Variants in MIA2 observed in about 807,000 individuals in gnomAD.
The protein encoded by MIA2 is melanoma inhibitory activity protein 2.
MIA2 carries 127 observed loss-of-function variants against 167.8 expected under a neutral mutation model. That is an observed-to-expected ratio of 0.76 (90% CI 0.66 to 0.88). The LOEUF is 0.88. MIA2 is among the 40% of genes least tolerant of loss of function. The pLI is 0.00. For missense variants in MIA2, 1,690 were observed against 1,624.7 expected (o/e 1.04, Z -0.69); for synonymous variants, 552 against 541.9 (o/e 1.02, Z -0.26).
rs773072953 is a variant in MIA2, at chr14:39,299,887, G to C, written c.2520G>C (p.Trp840Cys). 29 of 1,605,968 alleles carry C rather than the reference G, an allele frequency of 1.8e-5. No homozygotes were observed. Among genetic ancestry groups the C allele is most frequent in the Non-Finnish European group, 2.5e-5 (29 of 1,178,036 alleles). The change falls in exon 14 of 29, where the codon TGG (tryptophan) becomes TGC (cysteine). Residue 840 changes from tryptophan to cysteine, a missense_variant. Trp to Cys is a radical substitution (Grantham distance 215). Transcript: ENST00000640607. ...QKQLLQEAEVWKEQVSELNKQ... is the reference protein window; with the variant it reads ...QKQLLQEAEVCKEQVSELNKQ... ...AGCTTTTGCAAGAAGCTGAAGTATG[G>C]AAAGAACAAGTGAGTGAACTTAATA...
Position 39,247,033 on chromosome 14 carries a change from T to G in MIA2, c.459T>G (p.Ser153Arg). The change falls in exon 4 of 29, where the codon AGT becomes AGG. Residue 153 changes from serine to arginine, a missense_variant. Transcript: ENST00000640607. ...AAGAAGATAAAGATGAAAAATCTAGTATATATGAAAGTGATTTTCAGATAG... is the reference window on the plus strand; with the variant it reads ...AAGAAGATAAAGATGAAAAATCTAGGATATATGAAAGTGATTTTCAGATAG... ...PYEEDKDEKS[S>R]IYESDFQIEP... 2 of 1,599,578 alleles carry G rather than the reference T, an allele frequency of 1.3e-6. No homozygotes were observed. Among genetic ancestry groups the G allele is most frequent in the Non-Finnish European group, 1.7e-6 (2 of 1,175,588 alleles).
chr14:39,261,393 T>C (rs1375167270), intron 6 of MIA2, among the ~76,000 whole-genome samples: 6 of 152,234 alleles, frequency 3.9e-5, no homozygotes, highest in African/African-American at 1.2e-4. Context: ...CTATCATTGT[T>C]GGACATTTGG....
At position 39,276,983 on chromosome 14, in the gene MIA2, G is replaced by A. The variant is rs748285391; in HGVS notation, c.1937G>A (p.Gly646Asp). The A allele has an allele frequency of 9.3e-6, 15 of 1,613,764 alleles. No individual in the cohort carries two copies. In the African/African-American group the frequency reaches 9.3e-5, roughly 10 times the overall value. The stretch of plus-strand genomic sequence containing the variant: ...ATGAGACCAGATTCTAATCTTTATG[G>A]TTTTCCATGGGAATTGGTGATATGT... The part of the protein sequence containing the change: ...EGMRPDSNLY[G>D]FPWELVICAA... The change falls in exon 7 of 29, where the codon GGT (glycine) becomes GAT (aspartate). Residue 646 changes from glycine (G) to aspartate (D), a missense_variant. Coordinates refer to ENST00000640607, the MANE Select transcript of MIA2 (RefSeq NM_001329214.4).
chr14:39,331,405 A>G (rs1248610327), intron 25 of MIA2, among the ~76,000 whole-genome samples: 9 of 152,094 alleles, frequency 5.9e-5, no homozygotes, highest in African/African-American at 1.7e-4. Flanking sequence ...TTGACTCTTT[A>G]TCCAATTTGC....
chr14:39,347,826 T>C, intron 27 of MIA2, 55 bp downstream of exon 27: 1 of 1,434,736 alleles, frequency 7.0e-7, no homozygotes, highest in East Asian at 2.4e-5. Flanking sequence ...TTCTTTTTTT[T>C]TTTTTTTTTT....
At position 39,260,975 on chromosome 14, in the gene MIA2, C is replaced by T. The variant is rs561635069; in HGVS notation, c.1887+7804C>T. Among the ~76,000 whole-genome samples the T allele has an allele frequency of 1.9e-3, 285 of 151,902 alleles. 1 individual carries two copies. The highest frequency in any genetic ancestry group is 6.5e-3 in the African/African-American group (270 of 41,388). On this transcript the variant is annotated intron_variant, in intron 6 of 28. Coordinates refer to ENST00000640607, the MANE Select transcript of MIA2 (RefSeq NM_001329214.4). ...TTTATTAAATAGGGGATCCTTTCCC[C>T]GTTTCTTGTTTTTTTTTCTTTTTTT... is the stretch of plus-strand genomic sequence containing the variant.
In MIA2 at chr14:39,294,073, T is replaced by G; in HGVS notation, c.2391+2T>G. On this transcript the variant is annotated splice_donor_variant, in intron 12 of 28. Coordinates refer to ENST00000640607, the MANE Select transcript of MIA2 (RefSeq NM_001329214.4). LOFTEE classifies it high-confidence loss of function. ...TCCCTCAAATCACAAGTAGCTGAAG[T>G]AAGTTGAATTAGTCTAGTAGGTCTG... 1 of 1,597,838 alleles carries G rather than the reference T, an allele frequency of 6.3e-7. No homozygotes were observed.
chr14:39,314,455 A>G (rs2064956812), intron 19 of MIA2, among the ~76,000 whole-genome samples: 1 of 151,994 alleles, frequency 6.6e-6, no homozygotes, highest in Admixed American at 6.6e-5. Flanking sequence ...ATAAAAAAAA[A>G]ACAACACAAT....
rs1335408364 is a variant in MIA2, at chr14:39,347,789, G to A, written c.3837+18G>A. ...ATCTTGGTGTAAGTATTGAAAGAGT[G>A]GAATTGTATGCATGTATTCAGAAGC... is the stretch of plus-strand genomic sequence containing the variant. On this transcript the variant is annotated intron_variant, in intron 27 of 28. Transcript: ENST00000640607. 1 of 1,539,482 alleles carries A rather than the reference G, an allele frequency of 6.5e-7. No homozygotes were observed. The highest frequency in any genetic ancestry group is 8.9e-7 in the Non-Finnish European group (1 of 1,118,788).
At chr14:39,275,582 T>C (rs2057880023) in intron 6 of MIA2, among the ~76,000 whole-genome samples, 1 of 152,194 alleles carries the variant, frequency 6.6e-6, no homozygotes, top group Non-Finnish European at 1.5e-5. Flanking sequence ...TAAAGTAGAG[T>C]GTCATAGGTC....
intron 23 of MIA2, among the ~76,000 whole-genome samples, chr14:39,365,546 T>A (rs2074801558): frequency 6.6e-6 from 1 of 152,202 alleles, no homozygotes; most frequent in Non-Finnish European, 1.5e-5. Flanking sequence ...GGTTCTGAAA[T>A]TCTTTCCTCT....
Position 39,252,954 on chromosome 14 carries a change from A to G in MIA2, c.1774A>G (p.Ile592Val). 1 of 1,604,974 alleles carries G rather than the reference A, an allele frequency of 6.2e-7. No individual in the cohort carries two copies. The highest frequency in any genetic ancestry group is 1.7e-5 in the Admixed American group (1 of 58,444). ...TAACTCTTTGTCTTCTCAAAATTAT[A>G]TTTCTCAGAAAGGTAAGAAACAGGT... Reference protein sequence around the residue: ...TDNSLSSQNYISQKEDASEFQ... With the variant: ...TDNSLSSQNYVSQKEDASEFQ... Residue 592 changes from isoleucine (I) to valine (V), a missense_variant, in exon 5 of 29, where the codon ATT (isoleucine) becomes GTT (valine). Transcript: ENST00000640607.
chr14:39,358,286 G>C (rs375855243), intron 23 of MIA2, among the ~76,000 whole-genome samples: 4 of 151,798 alleles, frequency 2.6e-5, no homozygotes, highest in African/African-American at 7.3e-5. Flanking sequence ...TTTTCTTCTC[G>C]CTTCATTTCA....
rs1318153530 is a variant in MIA2 at position 39,371,844 on chromosome 14, T to C, written c.2249-15041T>C. Among the ~76,000 whole-genome samples, 3 of 152,342 alleles carry C rather than the reference T, an allele frequency of 2.0e-5. No individual in the cohort carries two copies. In the East Asian group the frequency reaches 5.8e-4, roughly 29 times the overall value. Reference sequence around the variant, plus strand: ...TCTGTCTTAGTCTCCTGGGCTTTACTTTTCCTCTGTTAATTTCATTCTCAG... The same window carrying C: ...TCTGTCTTAGTCTCCTGGGCTTTACCTTTCCTCTGTTAATTTCATTCTCAG... On this transcript the variant is annotated intron_variant, in intron 23 of 23. Coordinates refer to the MIA2 transcript ENST00000341502.
At chr14:39,294,467 G>A (rs2061147245) in intron 12 of MIA2, among the ~76,000 whole-genome samples, 1 of 151,986 alleles carries the variant, frequency 6.6e-6, no homozygotes, top group Admixed American at 6.6e-5. Context: ...CAAAGTGCTG[G>A]GATTACAGGC....
In MIA2 at chr14:39,252,088, A is replaced by G. The variant is rs541588527; in HGVS notation, c.1568-660A>G. 2.0e-5 allele frequency among the ~76,000 whole-genome samples: 3 copies of G among 152,164 alleles called. No individual in the cohort carries two copies. In the South Asian group the frequency reaches 6.2e-4, roughly 32 times the overall value. The stretch of plus-strand genomic sequence containing the variant: ...ACAAAAAGGCACGTTAGAGAATAGA[A>G]TTATATATAGCTTTTGTAATTCTTC... On this transcript the variant is annotated intron_variant, in intron 4 of 28. Transcript: ENST00000640607.
chr14:39,294,913 T>C lies in MIA2; in HGVS notation c.2392-12T>C, dbSNP rs778292893. On this transcript the variant is annotated splice_polypyrimidine_tract_variant and intron_variant, in intron 12 of 28. Coordinates refer to ENST00000640607, the MANE Select transcript of MIA2 (RefSeq NM_001329214.4). ...TAATTGTTACAAACTTGACATTTTT[T>C]GTTTCACTTAGGCCAAAATGACCTT... is the stretch of plus-strand genomic sequence containing the variant. 6 of 1,560,628 alleles carry C rather than the reference T, an allele frequency of 3.8e-6. No individual in the cohort carries two copies. Among genetic ancestry groups the C allele is most frequent in the Middle Eastern group, 1.7e-4 (1 of 5,950 alleles).
chr14:39,332,917 T>C (rs2069270870), intron 25 of MIA2, among the ~76,000 whole-genome samples: 2 of 152,192 alleles, frequency 1.3e-5, no homozygotes, highest in Non-Finnish European at 2.9e-5. Context: ...TCAGGTTTAC[T>C]GACTCTTTCC....
chr14:39,285,523 A>AC (rs1256759271), intron 9 of MIA2, among the ~76,000 whole-genome samples: 3 of 92,000 alleles, frequency 3.3e-5, no homozygotes, highest in South Asian at 3.9e-4. Flanking sequence ...GCGGGGGCTG[A>AC]CCCCCCACCT....
Sources: gnomAD v4.1 joint callset for allele counts (sites outside exome capture counted in the v4.1 genomes callset) on GRCh38, gnomAD v4.1.1 for gene constraint, MANE v1.5 for transcripts, NCBI Gene and HGNC (gene_info 2026-07-23, HGNC 2026-07-21) for gene names.